SUCLG2: variants seen among roughly 807,000 people sequenced by gnomAD.
SUCLG2 encodes the protein succinate-CoA ligase GDP-forming subunit beta.
SUCLG2 carries 42 observed loss-of-function variants against 47.9 expected under a neutral mutation model. That is an observed-to-expected ratio of 0.88 (90% CI 0.69 to 1.14). SUCLG2 has a LOEUF of 1.14. SUCLG2 is among the 50% of genes most tolerant of loss of function. The probability of loss-of-function intolerance (pLI) is 0.00; values close to 1 mark genes in which losing one functional copy is unlikely to be tolerated. For synonymous variants in SUCLG2, 195 were observed against 197.3 expected, an observed-to-expected ratio of 0.99 and a Z score of 0.10; for missense variants, 571 against 525.9, an observed-to-expected ratio of 1.09 and a Z score of -0.84.
chr3:67,626,582 G>T (rs1187809264), intron 1 of SUCLG2, among the ~76,000 whole-genome samples: 1 of 152,046 alleles, frequency 6.6e-6, no homozygotes, highest in Non-Finnish European at 1.5e-5. Context: ...TAACGCTGAA[G>T]GAGAAAAAGT....
At chr3:67,372,153 T>C (rs1416629529), downstream of SUCLG2, among the ~76,000 whole-genome samples, 1 of 152,170 alleles carries the variant, frequency 6.6e-6, no homozygotes. Flanking sequence ...TAGTCACATG[T>C]GATGGATGAC....
downstream of SUCLG2, among the ~76,000 whole-genome samples, chr3:67,373,595 G>A (rs1701982903): frequency 6.6e-6 from 1 of 152,070 alleles, no homozygotes. Context: ...TATTGTAAAT[G>A]AACCGGGGCC....
intron 1 of SUCLG2, among the ~76,000 whole-genome samples, chr3:67,622,014 A>G (rs79948457): frequency 0.06 from 9,091 of 152,250 alleles, 383 homozygotes; most frequent in African/African-American, 0.12. Flanking sequence ...GCAACAGGCT[A>G]CAGTACCTCT....
chr3:67,398,146 C>T (rs1050507928), intron 10 of SUCLG2, among the ~76,000 whole-genome samples: 1 of 150,160 alleles, frequency 6.7e-6, no homozygotes, highest in Non-Finnish European at 1.5e-5. Context: ...AAAGCAATGG[C>T]AACAAAAGCC....
chr3:67,452,607 A>G (rs113587517), intron 9 of SUCLG2, among the ~76,000 whole-genome samples: 2 of 152,288 alleles, frequency 1.3e-5, no homozygotes, highest in African/African-American at 4.8e-5. Flanking sequence ...CAAATTTACT[A>G]AACAATCCAC....
intron 10 of SUCLG2, among the ~76,000 whole-genome samples, chr3:67,392,854 G>C (rs1482169865): frequency 2.0e-5 from 3 of 151,636 alleles, no homozygotes; most frequent in Non-Finnish European, 4.4e-5. Flanking sequence ...TTGCTAAGTT[G>C]CCCAGACTGG....
chr3:67,413,469 C>A (rs544110631), intron 9 of SUCLG2, among the ~76,000 whole-genome samples: 45 of 152,268 alleles, frequency 3.0e-4, no homozygotes, highest in African/African-American at 1.0e-3. Context: ...AGGTCTGCAA[C>A]CTTGAACAAA....
chr3:67,492,381 G>C (rs188827984), intron 9 of SUCLG2, among the ~76,000 whole-genome samples: 25 of 152,246 alleles, frequency 1.6e-4, no homozygotes, highest in African/African-American at 5.3e-4. Flanking sequence ...GGAATTCTAA[G>C]TTCAGAATTA....
chr3:67,537,989 A>G (rs1048919192), intron 2 of SUCLG2, among the ~76,000 whole-genome samples: 1 of 152,138 alleles, frequency 6.6e-6, no homozygotes, highest in African/African-American at 2.4e-5. Flanking sequence ...AGATGGATAG[A>G]CTGCAAAAAA....
chr3:67,609,270 C>A (rs1700484249), intron 2 of SUCLG2, among the ~76,000 whole-genome samples, 185 bp downstream of exon 2: 1 of 41,964 alleles, frequency 2.4e-5, no homozygotes, highest in Non-Finnish European at 4.8e-5. Flanking sequence ...CCATGTGATT[C>A]CTGCACACTT....
chr3:67,536,915 T>C (rs1050572659), intron 2 of SUCLG2, among the ~76,000 whole-genome samples: 7 of 152,212 alleles, frequency 4.6e-5, no homozygotes, highest in African/African-American at 1.4e-4. Context: ...AATGTAGTTA[T>C]AATAGTGAAA....
intron 6 of SUCLG2, 105 bp from the exon 7 acceptor site, chr3:67,509,008 A>G: frequency 1.3e-6 from 1 of 795,986 alleles, no homozygotes; most frequent in Non-Finnish European, 2.0e-6. Flanking sequence ...CTTTATTTTC[A>G]GTTAGGTTTT....
At chr3:67,403,274 C>G (rs958804701) in intron 9 of SUCLG2, among the ~76,000 whole-genome samples, 4 of 152,122 alleles carry the variant, frequency 2.6e-5, no homozygotes, top group African/African-American at 9.7e-5. Flanking sequence ...CTCCTCTTAC[C>G]TTCCTCTCCC....
intron 6 of SUCLG2, among the ~76,000 whole-genome samples, chr3:67,513,169 A>ATGTG (rs1705845220): frequency 6.6e-6 from 1 of 152,062 alleles, no homozygotes; most frequent in Non-Finnish European, 1.5e-5. Flanking sequence ...ATACTGCAGC[A>ATGTG]TGTGTCAGAA....
chr3:67,569,247 T>A (rs773331319), intron 2 of SUCLG2, among the ~76,000 whole-genome samples: 3 of 152,250 alleles, frequency 2.0e-5, no homozygotes, highest in Non-Finnish European at 2.9e-5. Context: ...TAGGACATAA[T>A]CTTTCTAGCA....
chr3:67,588,948 TG>T (rs531282893), intron 2 of SUCLG2, among the ~76,000 whole-genome samples: 164 of 152,322 alleles, frequency 1.1e-3, no homozygotes, highest in African/African-American at 3.8e-3. Flanking sequence ...TGGATTTCAC[TG>T]GAACAAAATC....
At chr3:67,481,765 G>GATT (rs1284964591) in intron 9 of SUCLG2, among the ~76,000 whole-genome samples, 3 of 152,196 alleles carry the variant, frequency 2.0e-5, no homozygotes, top group Non-Finnish European at 2.9e-5. Flanking sequence ...GCTTTAAAGA[G>GATT]ATTATTACAA....
At position 67,574,271 on chromosome 3, in the gene SUCLG2, A is replaced by T. The variant is rs181791788; in HGVS notation, c.226+35184T>A. ...CGTTTATACTTGTTAAGACATCTAC[A>T]AAGTCCCTTCTGCCACATAAATAAC... is the stretch of plus-strand genomic sequence containing the variant. On this transcript the variant is annotated intron_variant, in intron 2 of 10. Coordinates refer to ENST00000307227, the MANE Select transcript of SUCLG2 (RefSeq NM_003848.4). Among the ~76,000 whole-genome samples the T allele has an allele frequency of 9.2e-5, 14 of 152,334 alleles. No homozygotes were observed. In the East Asian group the frequency reaches 2.5e-3, roughly 27 times the overall value.
chr3:67,564,208 A>G (rs1707392750), intron 2 of SUCLG2, among the ~76,000 whole-genome samples: 1 of 152,216 alleles, frequency 6.6e-6, no homozygotes, highest in African/African-American at 2.4e-5. Context: ...AGGAAGTAAT[A>G]GTGTCCATTT....
Sources: allele counts gnomAD v4.1 joint callset (sites outside exome capture counted in the v4.1 genomes callset), GRCh38; gene constraint gnomAD v4.1.1; transcripts MANE v1.5; gene names NCBI Gene and HGNC (gene_info 2026-07-23, HGNC 2026-07-21).